Variants in C1QTNF3 observed in about 807,000 individuals in gnomAD.
C1QTNF3 encodes complement C1q tumor necrosis factor-related protein 3.
A neutral mutation model predicts 32.6 loss-of-function variants in C1QTNF3; 26 were observed. The observed-to-expected ratio is 0.80, with a 90% CI of 0.58 to 1.11. The LOEUF (loss-of-function observed/expected upper bound fraction) is 1.11, where lower values mean the gene tolerates loss of function less well. Ranked by LOEUF, C1QTNF3 falls within the 50% of genes least tolerant of loss-of-function variation. The pLI is 0.00. For missense variants in C1QTNF3, 362 were observed against 398.2 expected (o/e 0.91, Z 0.77); for synonymous variants, 155 against 146.0 (o/e 1.06, Z -0.44).
the C1QTNF3 span, among the ~76,000 whole-genome samples, chr5:34,213,690 G>GTGTATATATATA: frequency 2.2e-5 from 2 of 89,710 alleles, no homozygotes; most frequent in African/African-American, 1.3e-4. Flanking sequence ...TCTGTTGTGT[G>GTGTATATATATA]TGTGTATATA....
upstream of C1QTNF3, chr5:34,043,306 A>C (rs1754921295): frequency 1.6e-6 from 1 of 612,942 alleles, no homozygotes; most frequent in African/African-American, 1.8e-5. Context: ...CTCCCCAGGC[A>C]GAACAGCCCC....
the C1QTNF3 span, among the ~76,000 whole-genome samples, chr5:34,177,912 C>T: frequency 6.6e-6 from 1 of 152,058 alleles, no homozygotes; most frequent in African/African-American, 2.4e-5. Flanking sequence ...TGTGAGCCAC[C>T]ACACCCAGCA....
At chr5:34,124,601 G>A in the C1QTNF3 span, 10 of 549,424 alleles carry the variant, frequency 1.8e-5, no homozygotes, top group South Asian at 2.4e-4. Flanking sequence ...GTATTCATGA[G>A]GGATCCACCC....
the C1QTNF3 span, among the ~76,000 whole-genome samples, chr5:34,235,275 T>A: frequency 6.6e-6 from 1 of 152,124 alleles, no homozygotes; most frequent in Non-Finnish European, 1.5e-5. Context: ...ATTACTAGAC[T>A]TTTTGTTCAC....
the C1QTNF3 span, among the ~76,000 whole-genome samples, chr5:34,135,130 G>T: frequency 6.6e-6 from 1 of 152,160 alleles, no homozygotes; most frequent in Admixed American, 6.5e-5. Context: ...CAGCATGAAG[G>T]GCTATTGAAT....
the C1QTNF3 span, among the ~76,000 whole-genome samples, chr5:34,049,769 G>A: frequency 6.6e-6 from 1 of 152,242 alleles, no homozygotes; most frequent in Non-Finnish European, 1.5e-5. Flanking sequence ...TTGCAGTCTT[G>A]AGTTTAAAGG....
chr5:34,168,131 G>T, the C1QTNF3 span: 97 of 149,414 alleles, frequency 6.5e-4, no homozygotes, highest in African/African-American at 2.4e-3. Flanking sequence ...TTGAAATTCT[G>T]TAAACAGTAT....
chr5:34,107,467 A>C, the C1QTNF3 span, among the ~76,000 whole-genome samples: 6 of 152,010 alleles, frequency 3.9e-5, no homozygotes, highest in South Asian at 2.1e-4. Flanking sequence ...TGATAATGAC[A>C]ATAACTGTCA....
chr5:34,155,190 C>T, the C1QTNF3 span, among the ~76,000 whole-genome samples: 2 of 152,146 alleles, frequency 1.3e-5, no homozygotes, highest in East Asian at 1.9e-4. Flanking sequence ...ATGTTTTGGT[C>T]CTATAATTGG....
the C1QTNF3 span, among the ~76,000 whole-genome samples, chr5:34,174,299 C>T: frequency 6.6e-6 from 1 of 152,078 alleles, no homozygotes; most frequent in Non-Finnish European, 1.5e-5. Flanking sequence ...CCTCATGATC[C>T]GCCCACCTCG....
the C1QTNF3 span, among the ~76,000 whole-genome samples, chr5:34,195,744 G>A: frequency 2.6e-5 from 4 of 152,128 alleles, no homozygotes; most frequent in East Asian, 3.9e-4. Flanking sequence ...GGAGGCTGAC[G>A]CAGGAGAATG....
the C1QTNF3 span, among the ~76,000 whole-genome samples, chr5:34,224,578 C>G: frequency 1.3e-5 from 2 of 152,030 alleles, no homozygotes; most frequent in African/African-American, 4.8e-5. Context: ...ATAAATGGTG[C>G]TGGGAAAACT....
At chr5:34,113,768 T>G in the C1QTNF3 span, among the ~76,000 whole-genome samples, 5 of 152,130 alleles carry the variant, frequency 3.3e-5, no homozygotes, top group Admixed American at 1.3e-4. Context: ...CAAAAAGCAC[T>G]GGCTTATTAT....
chr5:34,100,012 T>C, the C1QTNF3 span, among the ~76,000 whole-genome samples: 1 of 151,966 alleles, frequency 6.6e-6, no homozygotes, highest in East Asian at 1.9e-4. Context: ...TGTAACAAAG[T>C]ACAACAGGAT....
chr5:34,235,192 G>A, the C1QTNF3 span, among the ~76,000 whole-genome samples: 1 of 152,234 alleles, frequency 6.6e-6, no homozygotes, highest in African/African-American at 2.4e-5. Context: ...AACACAGTAG[G>A]ATTTAATTTC....
chr5:34,193,615 CTT>C, the C1QTNF3 span: 15 of 592,504 alleles, frequency 2.5e-5, no homozygotes, highest in East Asian at 7.0e-5. Flanking sequence ...GGTTTTTTCT[CTT>C]TTTTTTTTGC....
chr5:34,240,420 C>A, the C1QTNF3 span, among the ~76,000 whole-genome samples: 2 of 150,490 alleles, frequency 1.3e-5, no homozygotes, highest in Non-Finnish European at 1.5e-5. Context: ...ATATATAAAT[C>A]AGAATGACAA....
the C1QTNF3 span, among the ~76,000 whole-genome samples, chr5:34,127,588 CTTTT>C: frequency 7.1e-5 from 10 of 141,138 alleles, no homozygotes; most frequent in Admixed American, 1.4e-4. Flanking sequence ...TTTTCTTTTC[CTTTT>C]TTTTTTTTTT....
the C1QTNF3 span, among the ~76,000 whole-genome samples, chr5:34,176,428 A>AAAGAC: frequency 1.4e-4 from 21 of 150,126 alleles, no homozygotes; most frequent in Non-Finnish European, 2.2e-4. Flanking sequence ...ACAAAAAAAA[A>AAAGAC]AGCCAAGGAA....
Sources: gnomAD v4.1 joint callset for allele counts (sites outside exome capture counted in the v4.1 genomes callset) on GRCh38, gnomAD v4.1.1 for gene constraint, MANE v1.5 for transcripts, NCBI Gene and HGNC (gene_info 2026-07-23, HGNC 2026-07-21) for gene names.